IL23R: variants seen among roughly 807,000 people sequenced by gnomAD.
IL23R encodes interleukin-23 receptor.
A neutral mutation model predicts 56.9 loss-of-function variants in IL23R; 34 were observed. That is an observed-to-expected ratio of 0.60 (90% CI 0.45 to 0.80). IL23R has a LOEUF of 0.80. Among genes scored for constraint, IL23R ranks in the 30% least tolerant of loss-of-function variants. The probability of loss-of-function intolerance (pLI) is 0.00; values close to 1 mark genes in which losing one functional copy is unlikely to be tolerated. For synonymous variants in IL23R, 230 were observed against 249.2 expected (o/e 0.92, Z 0.73); for missense variants, 635 against 730.0 (o/e 0.87, Z 1.50).
At chr1:67,218,326 ATGTG>A (rs3052947) in intron 6 of IL23R, among the ~76,000 whole-genome samples, 44,682 of 124,062 alleles carry the variant, frequency 0.36, 7,443 homozygotes, top group Admixed American at 0.49. Context: ...ATATATGCAT[ATGTG>A]TGTGTGTGTG....
chr1:67,219,850 G>A (rs1346970806), intron 7 of IL23R, 120 bp downstream of exon 7: 16 of 945,974 alleles, frequency 1.7e-5, no homozygotes, highest in Non-Finnish European at 2.7e-5. Flanking sequence ...AAGATTGCTT[G>A]AGCCTAGGAG....
chr1:67,218,932 A>G (rs1452484012), intron 6 of IL23R, among the ~76,000 whole-genome samples: 3 of 151,292 alleles, frequency 2.0e-5, no homozygotes, highest in African/African-American at 7.3e-5. Flanking sequence ...CTATCTAGAA[A>G]AAAAATAAAA....
At chr1:67,189,518 G>T (rs1334871279) in intron 4 of IL23R, among the ~76,000 whole-genome samples, 1 of 152,146 alleles carries the variant, frequency 6.6e-6, no homozygotes, top group Non-Finnish European at 1.5e-5. Context: ...AGATATAAAA[G>T]GTTAGAATAA....
intron 1 of IL23R, among the ~76,000 whole-genome samples, chr1:67,156,518 G>A (rs550496311): frequency 2.6e-5 from 4 of 152,300 alleles, no homozygotes; most frequent in African/African-American, 9.6e-5. Context: ...TGCCCAGTGA[G>A]GAGGAATCTA....
In IL23R at chr1:67,206,804, T is replaced by G. The variant is rs538604973; in HGVS notation, c.653-106T>G. On this transcript the variant is annotated intron_variant, in intron 5 of 10. Coordinates refer to ENST00000347310, the MANE Select transcript of IL23R (RefSeq NM_144701.3). ...TCATTAGACCATGAATTTTATTTTT[T>G]TTTACTTTGAGCTTTCTCATATCTA... The G allele has an allele frequency of 4.9e-6, 6 of 1,227,678 alleles. No homozygotes were observed. In the East Asian group the frequency reaches 1.5e-4, roughly 31 times the overall value. 76.0% of individuals were successfully genotyped at this position (1,227,678 alleles called of 1,614,324 possible).
In IL23R at chr1:67,219,674, G is replaced by T. The variant is rs755811354; in HGVS notation, c.899G>T (p.Gly300Val). ...YVFQVRCQET[G>V]KRYWQPWSSL... Reference sequence around the variant, plus strand: ...TTTCAAGTGAGATGTCAAGAAACAGGCAAAAGGTACTGGCAGCCTTGGAGT... The same window carrying T: ...TTTCAAGTGAGATGTCAAGAAACAGTCAAAAGGTACTGGCAGCCTTGGAGT... The change falls in exon 7 of 11, where the codon GGC becomes GTC. Residue 300 changes from glycine to valine, a missense_variant. Physicochemically the swap from Gly to Val is moderately radical, Grantham distance 109. Transcript: ENST00000347310. The T allele has an allele frequency of 2.4e-5, 39 of 1,613,984 alleles. No homozygotes were observed. The highest frequency in any genetic ancestry group is 3.3e-4 in the Middle Eastern group (2 of 6,084).
At chr1:67,219,322 C>T (rs556711895) in intron 6 of IL23R, among the ~76,000 whole-genome samples, 2 of 152,138 alleles carry the variant, frequency 1.3e-5, no homozygotes, top group South Asian at 2.1e-4. Context: ...GAACTGAGAT[C>T]GAGCCACCGC....
rs34125353 is a variant in IL23R at position 67,233,195 on chromosome 1, CA to C, written c.956-3494del. Among the ~76,000 whole-genome samples, 178 of 53,652 alleles carry C rather than the reference CA, an allele frequency of 3.3e-3. 1 individual carries two copies. The highest frequency in any genetic ancestry group is 8.4e-3 in the African/African-American group (108 of 12,892). The allele number at this position is 53,652 out of a possible 152,430, so 35.2% of individuals were successfully genotyped here. ...GAAATCCTGTCTCTACTAAAAATTC[CA>C]AAAAAAAAAAAAAAAAAAAAAAAGC... On this transcript the variant is annotated intron_variant, in intron 7 of 10. Coordinates refer to ENST00000347310, the MANE Select transcript of IL23R (RefSeq NM_144701.3).
intron 3 of IL23R, among the ~76,000 whole-genome samples, chr1:67,181,837 G>A (rs1055622179): frequency 6.6e-6 from 1 of 152,204 alleles, no homozygotes; most frequent in Non-Finnish European, 1.5e-5. Flanking sequence ...CTGTTTGTTA[G>A]TTTTCCTTCT....
chr1:67,201,422 A>G (rs1648624440), intron 5 of IL23R, among the ~76,000 whole-genome samples: 1 of 151,914 alleles, frequency 6.6e-6, no homozygotes, highest in South Asian at 2.1e-4. Context: ...AAAAAAAAAA[A>G]AATCCATATA....
intron 7 of IL23R, among the ~76,000 whole-genome samples, chr1:67,222,758 CTA>C (rs1473527849): frequency 1.3e-5 from 2 of 152,156 alleles, no homozygotes; most frequent in Non-Finnish European, 2.9e-5. Context: ...GACACCTAAA[CTA>C]TAACAAAACT....
chr1:67,189,942 A>C (rs2102600552), intron 4 of IL23R, among the ~76,000 whole-genome samples: 1 of 152,312 alleles, frequency 6.6e-6, no homozygotes, highest in South Asian at 2.1e-4. Context: ...CTCAAAAAAA[A>C]AGAAAGAAAA....
At chr1:67,223,087 C>A (rs1246656257) in intron 7 of IL23R, among the ~76,000 whole-genome samples, 1 of 152,044 alleles carries the variant, frequency 6.6e-6, no homozygotes, top group African/African-American at 2.4e-5. Flanking sequence ...AACCCCGTCT[C>A]TACTAAAAAT....
At chr1:67,155,282 C>G (rs1415523918) in intron 1 of IL23R, among the ~76,000 whole-genome samples, 1 of 152,156 alleles carries the variant, frequency 6.6e-6, no homozygotes, top group Non-Finnish European at 1.5e-5. Context: ...GATTGATCTT[C>G]TCATGGAGTA....
intron 9 of IL23R, among the ~76,000 whole-genome samples, chr1:67,244,565 G>C (rs1452059010): frequency 1.3e-5 from 2 of 151,956 alleles, no homozygotes; most frequent in Non-Finnish European, 2.9e-5. Flanking sequence ...TTATTAAATA[G>C]GGAATCCTTT....
At chr1:67,150,275 T>G (rs1646716591) in intron 1 of IL23R, among the ~76,000 whole-genome samples, 1 of 144,620 alleles carries the variant, frequency 6.9e-6, no homozygotes, top group Non-Finnish European at 1.5e-5. Flanking sequence ...TTTTTTTACT[T>G]TAAGTTCCAG....
At chr1:67,178,737 T>C in intron 3 of IL23R, among the ~76,000 whole-genome samples, 1 of 152,246 alleles carries the variant, frequency 6.6e-6, no homozygotes, top group Non-Finnish European at 1.5e-5. Context: ...CCCATTCAGA[T>C]GATATTGGCT....
chr1:67,201,117 G>T (rs1159808490), intron 5 of IL23R, among the ~76,000 whole-genome samples: 2 of 19,336 alleles, frequency 1.0e-4, no homozygotes, highest in Non-Finnish European at 1.9e-4. Flanking sequence ...CTAAATTGTT[G>T]TATGTGGCTG....
rs562623389 is a variant in IL23R at position 67,171,703 on chromosome 1, G to A, written c.367+2065G>A. On this transcript the variant is annotated intron_variant, in intron 3 of 10. Transcript: ENST00000347310. ...TTTTACCTGCTTCCTTAAAGTTTCA[G>A]CTTGGTTATATGTCACTTAACAGGA... 4.6e-5 allele frequency among the ~76,000 whole-genome samples: 7 copies of A among 152,230 alleles called. No homozygotes were observed. The East Asian group carries it at 1.4e-3, about 29-fold the overall frequency.
Sources: gnomAD v4.1 joint callset for allele counts (sites outside exome capture counted in the v4.1 genomes callset) on GRCh38, gnomAD v4.1.1 for gene constraint, MANE v1.5 for transcripts, NCBI Gene and HGNC (gene_info 2026-07-23, HGNC 2026-07-21) for gene names.